The following CALN1 variants were observed in gnomAD, a reference collection of about 807,000 sequenced individuals.
CALN1 encodes the protein calcium-binding protein 8.
CALN1 carries 17 observed loss-of-function variants against 30.6 expected under a neutral mutation model. The ratio of observed to expected loss-of-function variants is 0.56; its 90% CI spans 0.38 to 0.83. CALN1 has a LOEUF of 0.83. Ranked by LOEUF, CALN1 falls within the 40% of genes least tolerant of loss-of-function variation. The probability of loss-of-function intolerance (pLI) is 0.00; values close to 1 mark genes in which losing one functional copy is unlikely to be tolerated. For missense variants in CALN1, 291 were observed against 354.9 expected, an observed-to-expected ratio of 0.82 and a Z score of 1.45; for synonymous variants, 156 against 131.4, an observed-to-expected ratio of 1.19 and a Z score of -1.28.
At chr7:72,215,158 C>A (rs1419747461) in intron 3 of CALN1, among the ~76,000 whole-genome samples, 1 of 152,140 alleles carries the variant, frequency 6.6e-6, no homozygotes, top group Non-Finnish European at 1.5e-5. Flanking sequence ...GGGCTGCGGA[C>A]CACTGGTCTA....
intron 2 of CALN1, among the ~76,000 whole-genome samples, chr7:72,387,759 G>A (rs190765874): frequency 6.6e-6 from 1 of 152,148 alleles, no homozygotes; most frequent in Non-Finnish European, 1.5e-5. Flanking sequence ...TAAGGAGACA[G>A]GACAAGTAAA....
At chr7:72,394,179 C>T (rs374693435) in intron 2 of CALN1, among the ~76,000 whole-genome samples, 4 of 152,234 alleles carry the variant, frequency 2.6e-5, no homozygotes, top group African/African-American at 9.6e-5. Context: ...ATCCTGCACC[C>T]TCTCACTTCC....
intron 5 of CALN1, among the ~76,000 whole-genome samples, chr7:71,837,566 T>TAC: frequency 6.6e-6 from 1 of 152,296 alleles, no homozygotes; most frequent in East Asian, 1.9e-4. Context: ...ATGATCCATC[T>TAC]ACAAGGCAAC....
chr7:72,278,883 C>T, intron 2 of CALN1, 73 bp from the exon 3 acceptor site: 1 of 1,544,478 alleles, frequency 6.5e-7, no homozygotes, highest in Non-Finnish European at 8.8e-7. Flanking sequence ...TCTTAAAGGA[C>T]CATCTGATTT....
At chr7:72,030,713 C>T (rs1584782631) in intron 4 of CALN1, among the ~76,000 whole-genome samples, 1 of 152,214 alleles carries the variant, frequency 6.6e-6, no homozygotes, top group African/African-American at 2.4e-5. Context: ...GCACGCACAA[C>T]GTGGTGGACA....
intron 2 of CALN1, among the ~76,000 whole-genome samples, chr7:72,363,238 ATTTTATTT>A (rs57123253): frequency 0.2 from 30,733 of 151,774 alleles, 3,840 homozygotes; most frequent in Non-Finnish European, 0.29. Flanking sequence ...ATGACACATT[ATTTTATTT>A]TTTTATTTTT....
chr7:72,467,440 G>T, the CALN1 span, among the ~76,000 whole-genome samples: 1 of 152,140 alleles, frequency 6.6e-6, no homozygotes, highest in African/African-American at 2.4e-5. Flanking sequence ...GCTCGGCCAG[G>T]ACTCCTGGGC....
intron 2 of CALN1, among the ~76,000 whole-genome samples, chr7:72,381,939 TAAG>T (rs1267675988): frequency 1.3e-5 from 2 of 152,190 alleles, no homozygotes; most frequent in Non-Finnish European, 2.9e-5. Context: ...GAAAAATGCT[TAAG>T]AAGTTTTTTC....
At chr7:71,918,397 ATGC>A (rs1405295577) in intron 5 of CALN1, among the ~76,000 whole-genome samples, 1 of 152,218 alleles carries the variant, frequency 6.6e-6, no homozygotes, top group Non-Finnish European at 1.5e-5. Flanking sequence ...TTCAGCAAAA[ATGC>A]TAACAGCTCT....
At chr7:71,818,722 T>C (rs1188006692) in intron 5 of CALN1, among the ~76,000 whole-genome samples, 1 of 146,912 alleles carries the variant, frequency 6.8e-6, no homozygotes, top group African/African-American at 2.6e-5. Flanking sequence ...ATTTATTTAT[T>C]TTTTTGAGCT....
chr7:72,031,098 CA>C (rs1294968353), intron 4 of CALN1, among the ~76,000 whole-genome samples: 7 of 152,190 alleles, frequency 4.6e-5, no homozygotes, highest in African/African-American at 1.7e-4. Context: ...GAAGCTTACG[CA>C]GGGAGTAGAG....
intron 5 of CALN1, among the ~76,000 whole-genome samples, chr7:71,972,481 G>C (rs1409340550): frequency 6.6e-6 from 1 of 152,152 alleles, no homozygotes; most frequent in Non-Finnish European, 1.5e-5. Context: ...TCTGCTAAGA[G>C]AGCGTGCAAT....
chr7:72,297,084 A>G (rs1169473071), intron 2 of CALN1, among the ~76,000 whole-genome samples: 1 of 152,118 alleles, frequency 6.6e-6, no homozygotes, highest in East Asian at 1.9e-4. Flanking sequence ...ATTTCCCTCT[A>G]CACACTGCTT....
intron 1 of CALN1, among the ~76,000 whole-genome samples, chr7:72,405,219 G>A (rs777582863): frequency 6.6e-6 from 1 of 152,180 alleles, no homozygotes; most frequent in Admixed American, 6.5e-5. Context: ...AAAGCAAGAA[G>A]TCACATCTCA....
At chr7:72,066,769 G>A (rs1361050475) in intron 4 of CALN1, among the ~76,000 whole-genome samples, 1 of 150,996 alleles carries the variant, frequency 6.6e-6, no homozygotes, top group Non-Finnish European at 1.5e-5. Flanking sequence ...GCACCACCAG[G>A]CCCAGCTATT....
At chr7:72,140,036 T>A in intron 3 of CALN1, among the ~76,000 whole-genome samples, 1 of 151,858 alleles carries the variant, frequency 6.6e-6, no homozygotes, top group East Asian at 1.9e-4. Flanking sequence ...TTCGGGAGAC[T>A]GAGGTGGGAG....
chr7:72,018,270 C>T (rs1296932258), intron 5 of CALN1, among the ~76,000 whole-genome samples: 4 of 152,020 alleles, frequency 2.6e-5, no homozygotes, highest in Non-Finnish European at 4.4e-5. Flanking sequence ...CCCTGAGGAC[C>T]GTGCTTGACT....
chr7:71,983,554 G>A (rs370008322), intron 5 of CALN1, among the ~76,000 whole-genome samples: 4 of 151,722 alleles, frequency 2.6e-5, no homozygotes, highest in South Asian at 2.1e-4. Flanking sequence ...TTTTTGAGAC[G>A]GAATTTTGCG....
intron 4 of CALN1, among the ~76,000 whole-genome samples, chr7:72,082,676 G>GA (rs879826275): frequency 6.6e-6 from 1 of 152,158 alleles, no homozygotes; most frequent in Non-Finnish European, 1.5e-5. Flanking sequence ...CTGCAAAACA[G>GA]AAAGTCCTGA....
Sources: gnomAD v4.1 joint callset for allele counts (sites outside exome capture counted in the v4.1 genomes callset) on GRCh38, gnomAD v4.1.1 for gene constraint, MANE v1.5 for transcripts, NCBI Gene and HGNC (gene_info 2026-07-23, HGNC 2026-07-21) for gene names.